Variants in DDX52 observed in about 807,000 individuals in gnomAD.
DDX52 encodes the protein DExD-box helicase 52, also known as probable ATP-dependent RNA helicase DDX52.
In DDX52, 59 loss-of-function variants were observed where a neutral mutation model predicts 76.1. The ratio of observed to expected loss-of-function variants is 0.78; its 90% CI spans 0.63 to 0.96. The LOEUF is 0.96. Among genes scored for constraint, DDX52 ranks in the 40% least tolerant of loss-of-function variants. The probability of loss-of-function intolerance (pLI) is 0.00; values close to 1 mark genes in which losing one functional copy is unlikely to be tolerated. For missense variants in DDX52, 707 were observed against 703.9 expected (o/e 1.00, Z -0.05); for synonymous variants, 231 against 244.1 (o/e 0.95, Z 0.50).
intron 2 of DDX52, among the ~76,000 whole-genome samples, chr17:37,640,687 GA>G (rs11432784): frequency 0.16 from 16,559 of 101,546 alleles, 3,086 homozygotes; most frequent in African/African-American, 0.46. Context: ...TACAGTACAA[GA>G]AAAAAAAAAA....
Position 37,632,276 on chromosome 17 carries a change from T to A in DDX52, c.440A>T (p.His147Leu). The part of the protein sequence containing the change: ...KEKINFLRNK[H>L]KIHVQGTDLP... Reference sequence around the variant, plus strand: ...ATCGGTTCCTTGGACGTGAATTTTGTGTTTATTCCGCAAGAAGTTTATCTG... The same window carrying A: ...ATCGGTTCCTTGGACGTGAATTTTGAGTTTATTCCGCAAGAAGTTTATCTG... The change falls in exon 4 of 15, where the codon CAC becomes CTC. Residue 147 changes from histidine (H) to leucine (L), a missense_variant. Physicochemically the swap from His to Leu is moderately conservative, Grantham distance 99. Coordinates refer to ENST00000617633, the MANE Select transcript of DDX52 (RefSeq NM_007010.5). The A allele has an allele frequency of 3.7e-6, 6 of 1,614,084 alleles. No individual in the cohort carries two copies. Among genetic ancestry groups the A allele is most frequent in the Non-Finnish European group, 5.1e-6 (6 of 1,180,020 alleles).
At chr17:37,619,479 G>C (rs773337493) in intron 13 of DDX52, among the ~76,000 whole-genome samples, 2 of 152,080 alleles carry the variant, frequency 1.3e-5, no homozygotes, top group Non-Finnish European at 2.9e-5. Context: ...AAGATAGCAA[G>C]ATCACTTGAG....
intron 2 of DDX52, among the ~76,000 whole-genome samples, chr17:37,639,238 TATG>T (rs1441738812): frequency 1.3e-5 from 2 of 152,114 alleles, no homozygotes; most frequent in East Asian, 1.9e-4. Flanking sequence ...AAGAACGTAA[TATG>T]ATAAGGGAAC....
At chr17:37,640,225 G>A (rs995364952) in intron 2 of DDX52, among the ~76,000 whole-genome samples, 1 of 152,150 alleles carries the variant, frequency 6.6e-6, no homozygotes, top group Non-Finnish European at 1.5e-5. Flanking sequence ...GCAAAAATGT[G>A]AAAACAAACT....
Position 37,620,922 on chromosome 17 carries a change from C to T in DDX52, c.1528G>A (p.Gly510Arg). ...IGRTGRAGNK[G>R]KAITFFTEDD... Reference sequence around the variant, plus strand: ...TCAGTGAAAAATGTAATTGCTTTTCCCTTATTCCCTGCTCTTCCAGTTCGA... The same window carrying T: ...TCAGTGAAAAATGTAATTGCTTTTCTCTTATTCCCTGCTCTTCCAGTTCGA... The change falls in exon 12 of 15, where the codon GGA (glycine) becomes AGA (arginine). Residue 510 changes from glycine (G) to arginine (R), a missense_variant. Transcript: ENST00000617633. The T allele has an allele frequency of 1.3e-6, 2 of 1,593,938 alleles. No homozygotes were observed. The highest frequency in any genetic ancestry group is 4.5e-5 in the East Asian group (2 of 44,532).
In DDX52 at chr17:37,610,127, ATT is replaced by A. The variant is rs34469094; in HGVS notation, c.*4167_*4168del. 5.6e-5 allele frequency: 8 copies of A among 144,052 alleles called. No individual in the cohort carries two copies. Among genetic ancestry groups the A allele is most frequent in the Non-Finnish European group, 9.1e-5 (6 of 65,884 alleles). 8.9% of individuals were successfully genotyped at this position (144,052 alleles called of 1,614,324 possible). ...AGCTATTTCGGCATATTTTTTACTGATTTTTTTTTTTTTTGAGACAGGGTCTT... is the reference window on the plus strand; with the variant it reads ...AGCTATTTCGGCATATTTTTTACTGATTTTTTTTTTTTGAGACAGGGTCTT... On this transcript the variant is annotated 3_prime_UTR_variant, in exon 15 of 15. Transcript: ENST00000617633.
intron 2 of DDX52, among the ~76,000 whole-genome samples, chr17:37,640,793 A>G (rs2031157616): frequency 6.6e-6 from 1 of 151,490 alleles, no homozygotes; most frequent in Admixed American, 6.6e-5. Flanking sequence ...CAAGACCAGC[A>G]TGACCAACAT....
intron 9 of DDX52, among the ~76,000 whole-genome samples, chr17:37,622,582 C>T (rs2030159612): frequency 6.6e-6 from 1 of 152,168 alleles, no homozygotes; most frequent in South Asian, 2.1e-4. Context: ...CGGTGAGCCA[C>T]CACGCCTGGC....
chr17:37,618,868 A>G (rs2029931566), intron 13 of DDX52, among the ~76,000 whole-genome samples: 1 of 152,226 alleles, frequency 6.6e-6, no homozygotes, highest in African/African-American at 2.4e-5. Flanking sequence ...AATAGGATTT[A>G]CAGAGCTAAC....
At chr17:37,641,899 C>T (rs2031218453) in intron 2 of DDX52, among the ~76,000 whole-genome samples, 1 of 152,094 alleles carries the variant, frequency 6.6e-6, no homozygotes, top group Admixed American at 6.5e-5. Flanking sequence ...GCAGAAATAA[C>T]AGTACCTGTA....
intron 2 of DDX52, 27 bp from the exon 3 acceptor site, chr17:37,633,445 G>A: frequency 6.6e-7 from 1 of 1,513,804 alleles, no homozygotes; most frequent in South Asian, 1.3e-5. Flanking sequence ...AAAAGTAAAA[G>A]ATTTTAACAG....
chr17:37,616,403 T>C (rs926383946), intron 14 of DDX52, among the ~76,000 whole-genome samples: 9 of 152,142 alleles, frequency 5.9e-5, no homozygotes, highest in Admixed American at 1.3e-4. Context: ...CCCAGCACTT[T>C]GGGAGGCCGA....
intron 5 of DDX52, among the ~76,000 whole-genome samples, chr17:37,629,532 C>T (rs2030574653): frequency 6.6e-6 from 1 of 151,618 alleles, no homozygotes; most frequent in Non-Finnish European, 1.5e-5. Flanking sequence ...ATTAACCAGG[C>T]GCAGTGGCAT....
At chr17:37,620,711 T>C in intron 12 of DDX52, 162 bp downstream of exon 12, 1 of 562,084 alleles carries the variant, frequency 1.8e-6, no homozygotes. Context: ...AACAAGGCCT[T>C]TTGATCATTT....
chr17:37,622,882 T>C (rs2030175584), intron 9 of DDX52, among the ~76,000 whole-genome samples: 1 of 152,250 alleles, frequency 6.6e-6, no homozygotes, highest in Non-Finnish European at 1.5e-5. Context: ...TAATAAGTAC[T>C]ATGCTTGTAC....
chr17:37,609,744 A>T lies in DDX52; in HGVS notation c.*4552T>A, dbSNP rs1344959468. ...AAGAGTAGGCTGAGTCCTGATTTTT[A>T]AACTATACGGTGGGTACACTGGTGT... is the stretch of plus-strand genomic sequence containing the variant. On this transcript the variant is annotated 3_prime_UTR_variant, in exon 15 of 15. Coordinates refer to ENST00000617633, the MANE Select transcript of DDX52 (RefSeq NM_007010.5). 1 of 194,988 alleles carries T rather than the reference A, an allele frequency of 5.1e-6. No individual in the cohort carries two copies. Among genetic ancestry groups the T allele is most frequent in the East Asian group, 1.2e-4 (1 of 8,404 alleles). 12.1% of individuals were successfully genotyped at this position (194,988 alleles called of 1,614,324 possible).
rs1568593030 is a variant in DDX52 at position 37,611,305 on chromosome 17, CATA to C, written c.*2988_*2990del. ...TGATCCTGACCTTTTGTATGCCTAG[CATA>C]ATGTGTGTGTTTGTGCCATGGTTTT... On this transcript the variant is annotated 3_prime_UTR_variant, in exon 15 of 15. Coordinates refer to ENST00000617633, the MANE Select transcript of DDX52 (RefSeq NM_007010.5). The C allele has an allele frequency of 6.6e-6, 1 of 152,022 alleles. No homozygotes were observed. Among genetic ancestry groups the C allele is most frequent in the African/African-American group, 2.4e-5 (1 of 41,360 alleles). 9.4% of individuals were successfully genotyped at this position (152,022 alleles called of 1,614,324 possible). A position where few individuals can be genotyped will look rare whatever the true frequency, so the allele number is the denominator to read the frequency against.
In DDX52 at chr17:37,624,316, A is replaced by C. The variant is rs115545761; in HGVS notation, c.1227+28T>G. ...AATATAAGACTTGGCAAACTTTACC[A>C]AAATTCAAGAAGGTAATACAAATAT... On this transcript the variant is annotated intron_variant, in intron 9 of 14. Coordinates refer to ENST00000617633, the MANE Select transcript of DDX52 (RefSeq NM_007010.5). 731 of 1,584,460 alleles carry C rather than the reference A, an allele frequency of 4.6e-4. 3 individuals carry two copies. The African/African-American group carries it at 8.9e-3, about 19-fold the overall frequency.
chr17:37,611,964 AAAAAAAAAACAAAAC>A lies in DDX52; in HGVS notation c.*2317_*2331del, dbSNP rs933867194. On this transcript the variant is annotated 3_prime_UTR_variant, in exon 15 of 15. Coordinates refer to ENST00000617633, the MANE Select transcript of DDX52 (RefSeq NM_007010.5). ...TAACAGACCCTGTTTCTCAAAAAAAAAAAAAAAAACAAAACAAAAAAACTCATAAAGTAAAAGTTA... is the reference window on the plus strand; with the variant it reads ...TAACAGACCCTGTTTCTCAAAAAAAAAAAAAAACTCATAAAGTAAAAGTTA... 2.0e-5 allele frequency: 3 copies of A among 149,068 alleles called. No individual in the cohort carries two copies. Among genetic ancestry groups the A allele is most frequent in the African/African-American group, 7.3e-5 (3 of 40,834 alleles). The allele number at this position is 149,068 out of a possible 1,614,324, so 9.2% of individuals were successfully genotyped here.
Sources: gnomAD v4.1 joint callset for allele counts (sites outside exome capture counted in the v4.1 genomes callset) on GRCh38, gnomAD v4.1.1 for gene constraint, MANE v1.5 for transcripts, NCBI Gene and HGNC (gene_info 2026-07-23, HGNC 2026-07-21) for gene names.